FAAH2: variants seen among roughly 807,000 people sequenced by gnomAD.
The protein encoded by FAAH2 is fatty-acid amide hydrolase 2.
A neutral mutation model predicts 36.9 loss-of-function variants in FAAH2; 60 were observed. The ratio of observed to expected loss-of-function variants is 1.63; its 90% CI spans 1.32 to 2.02. The LOEUF (loss-of-function observed/expected upper bound fraction) is 2.02, where lower values mean the gene tolerates loss of function less well. Ranked by LOEUF, FAAH2 falls within the 30% of genes most tolerant of loss-of-function variation. FAAH2 has a pLI of 0.00. For synonymous variants in FAAH2, 214 were observed against 143.8 expected (o/e 1.49, Z -3.49); for missense variants, 689 against 397.5 (o/e 1.73, Z -6.23).
upstream of FAAH2, among the ~76,000 whole-genome samples, chrX:57,286,219 T>A (rs2051808330): frequency 8.9e-6 from 1 of 111,971 alleles, no homozygotes; most frequent in African/African-American, 3.3e-5. Flanking sequence ...TACTACCTGT[T>A]AGTGATCTTA....
chrX:57,193,251 G>A, the FAAH2 span, among the ~76,000 whole-genome samples: 805 of 111,669 alleles, frequency 7.2e-3, 8 homozygotes, highest in African/African-American at 0.025. Context: ...CTGTAGGGAT[G>A]AAATAAGCCC....
intron 8 of FAAH2, among the ~76,000 whole-genome samples, chrX:57,432,402 G>A (rs1041001499): frequency 1.2e-4 from 13 of 111,510 alleles, no homozygotes; most frequent in African/African-American, 4.2e-4. Flanking sequence ...GCTAATCTTA[G>A]TATGTTGTAT....
chrX:57,379,682 T>G (rs1191024761), intron 6 of FAAH2, among the ~76,000 whole-genome samples: 2 of 110,538 alleles, frequency 1.8e-5, no homozygotes, highest in Non-Finnish European at 3.8e-5. Flanking sequence ...TGCCGCTTTT[T>G]GCCCCATTGC....
chrX:57,223,678 G>A, the FAAH2 span, among the ~76,000 whole-genome samples: 28 of 111,576 alleles, frequency 2.5e-4, 1 homozygote, highest in Non-Finnish European at 3.8e-5. Flanking sequence ...GCCAATAAAC[G>A]GCTCCACTAT....
chrX:57,393,684 T>TA, intron 7 of FAAH2: 1 of 996,627 alleles, frequency 1.0e-6, no homozygotes, highest in Non-Finnish European at 1.4e-6. Context: ...ACCACCATTT[T>TA]GCCCAGTCTC....
chrX:57,317,692 C>A (rs1233500191), intron 3 of FAAH2, among the ~76,000 whole-genome samples: 2 of 111,842 alleles, frequency 1.8e-5, no homozygotes, highest in Non-Finnish European at 3.8e-5. Context: ...GAACTCTCCA[C>A]CCCAAATCAA....
chrX:57,372,640 G>C (rs1307869148), intron 5 of FAAH2, among the ~76,000 whole-genome samples: 1 of 111,096 alleles, frequency 9.0e-6, no homozygotes, highest in Non-Finnish European at 1.9e-5. Flanking sequence ...AGTAGTAGTA[G>C]AATTTTTAAC....
At chrX:57,366,217 T>A (rs5914090) in intron 5 of FAAH2, among the ~76,000 whole-genome samples, 17 of 111,727 alleles carry the variant, frequency 1.5e-4, no homozygotes, top group Non-Finnish European at 2.8e-4. Context: ...TGGATGAGGC[T>A]TTTGCTTTTT....
intron 2 of FAAH2, 90 bp from the exon 3 acceptor site, chrX:57,310,503 C>T (rs768001371): frequency 3.1e-6 from 3 of 979,460 alleles, no homozygotes; most frequent in African/African-American, 2.0e-5. Context: ...ATGTTGATTA[C>T]ATATTAACAT....
At chrX:57,459,136 T>A (rs990111091) in intron 10 of FAAH2, among the ~76,000 whole-genome samples, 2 of 112,169 alleles carry the variant, frequency 1.8e-5, no homozygotes, top group African/African-American at 6.5e-5. Flanking sequence ...CGATCTAGCT[T>A]GGTGGGGGGA....
intron 10 of FAAH2, among the ~76,000 whole-genome samples, chrX:57,455,377 T>A (rs1231890038): frequency 1.8e-5 from 2 of 110,793 alleles, no homozygotes; most frequent in Non-Finnish European, 3.8e-5. Context: ...ATAAACAATA[T>A]AAAGCAGCTA....
chrX:57,259,285 A>G, the FAAH2 span, among the ~76,000 whole-genome samples: 6 of 112,096 alleles, frequency 5.4e-5, no homozygotes, highest in African/African-American at 1.9e-4. Context: ...TACTATTTCC[A>G]AGAGATATAG....
At chrX:57,219,863 CTTTTTTTTTT>C in the FAAH2 span, among the ~76,000 whole-genome samples, 2 of 35,640 alleles carry the variant, frequency 5.6e-5, no homozygotes, top group African/African-American at 1.1e-4. Flanking sequence ...AGCGCCTTGT[CTTTTTTTTTT>C]TTTTTTTTTT....
chrX:57,419,713 T>A (rs1361524787), intron 7 of FAAH2, among the ~76,000 whole-genome samples: 1 of 112,022 alleles, frequency 8.9e-6, no homozygotes, highest in Non-Finnish European at 1.9e-5. Flanking sequence ...GCAGAAGCTC[T>A]TGAGTTTAAT....
At chrX:57,402,256 A>T (rs1472027946) in intron 7 of FAAH2, among the ~76,000 whole-genome samples, 1 of 111,943 alleles carries the variant, frequency 8.9e-6, no homozygotes, top group African/African-American at 3.2e-5. Flanking sequence ...CATAAGGGGC[A>T]TGGATGAGGG....
chrX:57,204,321 A>G, the FAAH2 span, among the ~76,000 whole-genome samples: 3 of 111,412 alleles, frequency 2.7e-5, no homozygotes, highest in Admixed American at 1.9e-4. Context: ...GAGTGATTGC[A>G]TCCTGGCATT....
chrX:57,234,660 GGGTTC>G, the FAAH2 span, among the ~76,000 whole-genome samples: 2 of 111,305 alleles, frequency 1.8e-5, no homozygotes, highest in Non-Finnish European at 3.8e-5. Flanking sequence ...GTTCACAATA[GGGTTC>G]AATCTCCTGT....
the FAAH2 span, among the ~76,000 whole-genome samples, chrX:57,250,764 TA>T: frequency 4.4e-4 from 45 of 102,527 alleles, no homozygotes; most frequent in East Asian, 1.2e-3. Flanking sequence ...CTAGAAGAAA[TA>T]AAAAAAAAAC....
Position 57,341,306 on chromosome X carries a change from G to T in FAAH2, c.658G>T (p.Val220Phe). 2 of 1,210,071 alleles carry T rather than the reference G, an allele frequency of 1.7e-6. No individual in the cohort carries two copies. Among genetic ancestry groups the T allele is most frequent in the Non-Finnish European group, 2.2e-6 (2 of 894,470 alleles). The change falls in exon 5 of 11, where the codon GTT becomes TTT. Residue 220 changes from valine to phenylalanine, a missense_variant. Val to Phe is a conservative substitution (Grantham distance 50, BLOSUM62 -1). Transcript: ENST00000374900. ...EGCTLAAACS[V>F]IGVGSDIGGS... is the part of the protein sequence containing the mutation. ...CTGCACACTGGCAGCTGCCTGCTCA[G>T]TTATTGGTGTGGGCTCTGATATTGG...
Sources: allele counts gnomAD v4.1 joint callset (sites outside exome capture counted in the v4.1 genomes callset), GRCh38; gene constraint gnomAD v4.1.1; transcripts MANE v1.5; gene names NCBI Gene and HGNC (gene_info 2026-07-23, HGNC 2026-07-21).